Variants in OR4A15 observed in about 807,000 individuals in gnomAD.
The protein encoded by OR4A15 is olfactory receptor family 4 subfamily A member 15.
For synonymous variants in OR4A15, 240 were observed against 135.6 expected, an observed-to-expected ratio of 1.77 and a Z score of -5.35; for missense variants, 657 against 374.7, an observed-to-expected ratio of 1.75 and a Z score of -6.22.
chr11:55,368,009 C>G (rs768632199), exon 1 of OR4A15: 1 of 1,613,494 alleles, frequency 6.2e-7, no homozygotes, highest in Non-Finnish European at 8.5e-7. Context: ...AATTTATCCT[C>G]TTAGGGCTCA....
chr11:55,368,410 C>T (rs753549220), exon 1 of OR4A15: 8 of 1,613,556 alleles, frequency 5.0e-6, no homozygotes, highest in Non-Finnish European at 6.8e-6. Context: ...CTGTTGGCGG[C>T]CTGGATTGGA....
chr11:55,368,101 T>C, exon 1 of OR4A15: 1 of 1,613,094 alleles, frequency 6.2e-7, no homozygotes, highest in Non-Finnish European at 8.5e-7. Context: ...AACCTGCTTA[T>C]CATAGTGACC....
At chr11:55,368,294 T>G (rs1283896831) in exon 1 of OR4A15, 1 of 1,613,970 alleles carries the variant, frequency 6.2e-7, no homozygotes, top group Admixed American at 1.7e-5. Context: ...TATTTGCTGG[T>G]GCTGAAGTCA....
At chr11:55,368,082 A>G in exon 1 of OR4A15, 1 of 1,613,352 alleles carries the variant, frequency 6.2e-7, no homozygotes, top group Non-Finnish European at 8.5e-7. Context: ...CATGGTGACG[A>G]TAATGGGCAA....
chr11:55,368,261 G>A (rs949520783), exon 1 of OR4A15: 20 of 1,613,706 alleles, frequency 1.2e-5, no homozygotes, highest in Non-Finnish European at 1.5e-5. Flanking sequence ...AGGGTTGTAT[G>A]GCTCAACTTT....
rs757874306 is a variant in OR4A15, at chr11:55,368,810, GC to G, written c.838del (p.Leu280Ter). 4.8e-5 allele frequency: 78 copies of G among 1,613,242 alleles called. No individual in the cohort carries two copies. Among genetic ancestry groups the G allele is most frequent in the Non-Finnish European group, 5.9e-5 (69 of 1,179,478 alleles). ...TAGTTCTAACTTTTATAACTCCCAT[GC>G]TGAACCCACTAATCTATACCCTGAA... On this transcript the variant is annotated frameshift_variant, in exon 1 of 1. Transcript: ENST00000641526. LOFTEE classifies it low-confidence loss of function (END_TRUNC).
chr11:55,368,123 C>T, exon 1 of OR4A15: 1 of 1,612,818 alleles, frequency 6.2e-7, no homozygotes, highest in Non-Finnish European at 8.5e-7. Context: ...TCATGGCCAG[C>T]CAGTCCCTGG....
exon 1 of OR4A15, chr11:55,368,713 T>C: frequency 6.2e-7 from 1 of 1,613,782 alleles, no homozygotes. Flanking sequence ...GTGGTCATTT[T>C]ATTCTTTGTC....
chr11:55,368,163 T>A, exon 1 of OR4A15: 1 of 1,612,992 alleles, frequency 6.2e-7, no homozygotes, highest in Non-Finnish European at 8.5e-7. Flanking sequence ...TCTGGCTTCT[T>A]TATCATTCAT....
chr11:55,368,035 G>A (rs1263727903), exon 1 of OR4A15: 3 of 1,613,534 alleles, frequency 1.9e-6, no homozygotes, highest in Non-Finnish European at 2.5e-6. Context: ...AACCCTGAGG[G>A]GCAAAAGGTT....
chr11:55,368,514 C>A lies in OR4A15; in HGVS notation c.541C>A (p.Pro181Thr), dbSNP rs1262387925. The A allele has an allele frequency of 3.1e-6, 5 of 1,612,666 alleles. No homozygotes were observed. The Admixed American group carries it at 5.0e-5, about 16-fold the overall frequency. ...TGACAACTTCCTGTGTGATTTGTAT[C>A]CCTTATTGAAACTTGCTTGCACCAA... Residue 181 changes from proline (P) to threonine (T), a missense_variant, in exon 1 of 1, where the codon CCC becomes ACC. By Grantham distance (38) the Pro-to-Thr change is conservative. Coordinates refer to ENST00000641526, the Ensembl canonical transcript of OR4A15.
exon 1 of OR4A15, chr11:55,368,659 A>G: frequency 6.2e-7 from 1 of 1,613,730 alleles, no homozygotes; most frequent in Admixed American, 1.7e-5. Flanking sequence ...CAGAGTTTGG[A>G]AGGGAAACGA....
At position 55,368,336 on chromosome 11, in the gene OR4A15, C is replaced by T. The variant is rs199792741; in HGVS notation, c.363C>T (p.Tyr121=). The change falls in exon 1 of 1, where the codon TAC becomes TAT. Residue 121 remains tyrosine (Y), a synonymous_variant. Transcript: ENST00000641526. ...TGGTGGTAATGGCCTATGATCGATA[C>T]ATGGCCATCTGTAAGCCTCTTCATG... 2.5e-5 allele frequency: 41 copies of T among 1,610,978 alleles called. No homozygotes were observed. The South Asian group carries it at 2.7e-4, about 11-fold the overall frequency.
exon 1 of OR4A15, chr11:55,368,512 A>G (rs745607641): frequency 1.2e-6 from 2 of 1,612,860 alleles, no homozygotes; most frequent in East Asian, 2.2e-5. Flanking sequence ...TGTGATTTGT[A>G]TCCCTTATTG....
chr11:55,368,368 T>C lies in OR4A15; in HGVS notation c.395T>C (p.Ile132Thr), dbSNP rs754417085. 3.1e-6 allele frequency: 5 copies of C among 1,612,916 alleles called. No homozygotes were observed. The South Asian group carries it at 5.5e-5, about 18-fold the overall frequency. ...ATCTGTAAGCCTCTTCATGAATTGA[T>C]CACCATGAATCGTCGAGTCTGTGTT... is the stretch of plus-strand genomic sequence containing the variant. Residue 132 changes from isoleucine to threonine, a missense_variant, in exon 1 of 1, where the codon ATC becomes ACC. Transcript: ENST00000641526.
rs377718690 is a variant in OR4A15 at position 55,368,138 on chromosome 11, C to T, written c.165C>T (p.Ser55=). Residue 55 remains serine, a synonymous_variant, in exon 1 of 1, where the codon TCC becomes TCT. Transcript: ENST00000641526. ...TCATGGCCAGCCAGTCCCTGGGTTC[C>T]CCCATGTACTTTTTTCTGGCTTCTT... 17 of 1,612,724 alleles carry T rather than the reference C, an allele frequency of 1.1e-5. No individual in the cohort carries two copies. In the East Asian group the frequency reaches 2.0e-4, roughly 19 times the overall value.
exon 1 of OR4A15, chr11:55,368,817 C>T (rs75527716): frequency 2.2e-5 from 36 of 1,613,086 alleles, no homozygotes; most frequent in East Asian, 8.9e-5. Flanking sequence ...CATGCTGAAC[C>T]CACTAATCTA....
chr11:55,367,975 T>C (rs1231271164), exon 1 of OR4A15: 3 of 1,613,288 alleles, frequency 1.9e-6, no homozygotes, highest in Non-Finnish European at 2.5e-6. Flanking sequence ...GAAGAACACA[T>C]GAAAAATAAG....
At chr11:55,368,301 G>A (rs1404280874) in exon 1 of OR4A15, 1 of 1,613,778 alleles carries the variant, frequency 6.2e-7, no homozygotes, top group Non-Finnish European at 8.5e-7. Context: ...TGGTGCTGAA[G>A]TCATTCTTCT....
Sources: gnomAD v4.1 joint callset for allele counts on GRCh38, gnomAD v4.1.1 for gene constraint, MANE v1.5 for transcripts, NCBI Gene and HGNC (gene_info 2026-07-23, HGNC 2026-07-21) for gene names.